IDE: variants seen among roughly 807,000 people sequenced by gnomAD.
The protein encoded by IDE is insulin-degrading enzyme.
A neutral mutation model predicts 133.2 loss-of-function variants in IDE; 58 were observed. That is an observed-to-expected ratio of 0.44 (90% CI 0.35 to 0.54). The LOEUF (loss-of-function observed/expected upper bound fraction) is 0.54, where lower values mean the gene tolerates loss of function less well. IDE is among the 20% of genes least tolerant of loss of function. The probability of loss-of-function intolerance (pLI) is 0.00; values close to 1 mark genes in which losing one functional copy is unlikely to be tolerated. For synonymous variants in IDE, 396 were observed against 421.3 expected, an observed-to-expected ratio of 0.94 and a Z score of 0.73; for missense variants, 981 against 1,234.0, an observed-to-expected ratio of 0.79 and a Z score of 3.07.
At chr10:92,502,098 C>T (rs150474395) in intron 11 of IDE, among the ~76,000 whole-genome samples, 114 of 152,130 alleles carry the variant, frequency 7.5e-4, no homozygotes, top group African/African-American at 2.6e-3. Flanking sequence ...GCTATGATCC[C>T]GCCACTACAG....
At chr10:92,501,636 C>CT (rs1471782232) in intron 11 of IDE, among the ~76,000 whole-genome samples, 1 of 149,608 alleles carries the variant, frequency 6.7e-6, no homozygotes. Context: ...CGCCACTGCA[C>CT]TCCAGCCTGG....
intron 11 of IDE, among the ~76,000 whole-genome samples, chr10:92,500,271 T>A (rs1847933485): frequency 6.7e-6 from 1 of 149,898 alleles, no homozygotes; most frequent in Non-Finnish European, 1.5e-5. Context: ...CATTCCAGCC[T>A]GGGCAACAAG....
intron 13 of IDE, among the ~76,000 whole-genome samples, chr10:92,485,164 G>A (rs1589403372): frequency 1.4e-5 from 1 of 73,466 alleles, no homozygotes; most frequent in Non-Finnish European, 2.4e-5. Flanking sequence ...TTTCGCTCTT[G>A]TTACCCAGGC....
At chr10:92,498,706 A>G (rs1238603095) in intron 11 of IDE, among the ~76,000 whole-genome samples, 1 of 152,194 alleles carries the variant, frequency 6.6e-6, no homozygotes. Context: ...CAGTGAGCCA[A>G]GATCGTGCCA....
chr10:92,500,842 A>C (rs1847966109), intron 11 of IDE, among the ~76,000 whole-genome samples: 1 of 151,918 alleles, frequency 6.6e-6, no homozygotes, highest in East Asian at 1.9e-4. Flanking sequence ...AAAAAGGAAA[A>C]ACAGCCTGGC....
At chr10:92,533,743 G>A (rs1471943791) in intron 3 of IDE, among the ~76,000 whole-genome samples, 1 of 149,976 alleles carries the variant, frequency 6.7e-6, no homozygotes, top group Non-Finnish European at 1.5e-5. Flanking sequence ...GCTGACCAAG[G>A]CTGGGCGCAG....
chr10:92,491,861 T>G (rs1847369614), intron 11 of IDE, among the ~76,000 whole-genome samples: 2 of 152,170 alleles, frequency 1.3e-5, no homozygotes. Flanking sequence ...TCCGCCTGCC[T>G]CAGCCTCCCA....
At chr10:92,542,612 G>A (rs1842361784) in intron 1 of IDE, among the ~76,000 whole-genome samples, 2 of 152,178 alleles carry the variant, frequency 1.3e-5, no homozygotes, top group African/African-American at 4.8e-5. Flanking sequence ...TTTTAAGTGT[G>A]GTGACAAAAC....
At chr10:92,495,257 G>A (rs1426108788) in intron 11 of IDE, among the ~76,000 whole-genome samples, 2 of 131,510 alleles carry the variant, frequency 1.5e-5, no homozygotes, top group East Asian at 2.2e-4. Context: ...GTCTCACTCT[G>A]TTGCCCAGGC....
At chr10:92,550,666 A>AG (rs1842738388) in intron 1 of IDE, among the ~76,000 whole-genome samples, 1 of 150,918 alleles carries the variant, frequency 6.6e-6, no homozygotes, top group Non-Finnish European at 1.5e-5. Flanking sequence ...AAAAAAAAAA[A>AG]AAAAAAAATC....
At chr10:92,561,953 C>T (rs1266212659) in intron 1 of IDE, among the ~76,000 whole-genome samples, 2 of 152,144 alleles carry the variant, frequency 1.3e-5, no homozygotes, top group African/African-American at 4.8e-5. Flanking sequence ...CCTCCAATCA[C>T]TGTATAGAAC....
intron 15 of IDE, among the ~76,000 whole-genome samples, chr10:92,477,512 T>C (rs1846334649): frequency 6.6e-6 from 1 of 152,224 alleles, no homozygotes; most frequent in Admixed American, 6.5e-5. Flanking sequence ...AAGTGGGGAA[T>C]GGAGAATTTC....
At position 92,552,857 on chromosome 10, in the gene IDE, C is replaced by CAAAAAAAAAAAAAAAAAAAAAAA. The variant is rs71028827; in HGVS notation, c.99-15308_99-15307insTTTTTTTTTTTTTTTTTTTTTTT. On this transcript the variant is annotated intron_variant, in intron 1 of 24. Transcript: ENST00000265986. ...TGGGTGACAGAGTAAGACTCAGTCT[C>CAAAAAAAAAAAAAAAAAAAAAAA]AAAAAAAAAAAAAAAAAAAAATTAT... Among the ~76,000 whole-genome samples the CAAAAAAAAAAAAAAAAAAAAAAA allele has an allele frequency of 1.8e-3, 90 of 49,352 alleles. 2 individuals are homozygous for CAAAAAAAAAAAAAAAAAAAAAAA. Among genetic ancestry groups the CAAAAAAAAAAAAAAAAAAAAAAA allele is most frequent in the African/African-American group, 6.3e-3 (59 of 9,330 alleles). 32.4% of individuals were successfully genotyped at this position (49,352 alleles called of 152,430 possible).
intron 1 of IDE, 124 bp downstream of exon 1, chr10:92,573,798 G>A: frequency 2.9e-6 from 2 of 684,914 alleles, no homozygotes; most frequent in South Asian, 2.4e-5. Context: ...CCCCAGGCCG[G>A]CGGGACGGGC....
At chr10:92,532,089 A>C (rs1246788387) in intron 3 of IDE, among the ~76,000 whole-genome samples, 172 bp from the exon 4 acceptor site, 4 of 152,216 alleles carry the variant, frequency 2.6e-5, no homozygotes, top group Non-Finnish European at 4.4e-5. Flanking sequence ...ATGTAACAGA[A>C]GAAAAATCTA....
chr10:92,472,671 T>A (rs1846027785), intron 17 of IDE, among the ~76,000 whole-genome samples: 1 of 146,206 alleles, frequency 6.8e-6, no homozygotes, highest in Non-Finnish European at 1.5e-5. Context: ...TGAGATGGAA[T>A]CTCTGTTGCC....
chr10:92,483,935 C>A (rs1846780670), intron 13 of IDE, among the ~76,000 whole-genome samples: 1 of 152,210 alleles, frequency 6.6e-6, no homozygotes, highest in Non-Finnish European at 1.5e-5. Flanking sequence ...ACAGAGAGGT[C>A]CATGTGGTGA....
intron 11 of IDE, among the ~76,000 whole-genome samples, chr10:92,493,271 A>G (rs1847473457): frequency 6.6e-6 from 1 of 152,166 alleles, no homozygotes; most frequent in African/African-American, 2.4e-5. Flanking sequence ...TCGGGCTTCC[A>G]CTTTTGTTGA....
intron 5 of IDE, among the ~76,000 whole-genome samples, chr10:92,511,084 TAAAA>T (rs35891632): frequency 4.6e-5 from 5 of 108,254 alleles, no homozygotes; most frequent in Admixed American, 4.2e-4. Context: ...AAAGCAGTGT[TAAAA>T]AAAAAAAAAA....
Sources: gnomAD v4.1 joint callset for allele counts (sites outside exome capture counted in the v4.1 genomes callset) on GRCh38, gnomAD v4.1.1 for gene constraint, MANE v1.5 for transcripts, NCBI Gene and HGNC (gene_info 2026-07-23, HGNC 2026-07-21) for gene names.